Variants in ODR4 observed in about 807,000 individuals in gnomAD.
ODR4 encodes the protein protein odr-4 homolog.
A neutral mutation model predicts 60.2 loss-of-function variants in ODR4; 47 were observed. The ratio of observed to expected loss-of-function variants is 0.78; its 90% CI spans 0.62 to 1.00. The LOEUF (loss-of-function observed/expected upper bound fraction) is 1.00, where lower values mean the gene tolerates loss of function less well. Ranked by LOEUF, ODR4 falls within the 50% of genes least tolerant of loss-of-function variation. The pLI is 0.00. For missense variants in ODR4, 488 were observed against 530.8 expected, an observed-to-expected ratio of 0.92 and a Z score of 0.79; for synonymous variants, 178 against 175.5, an observed-to-expected ratio of 1.01 and a Z score of -0.11.
chr1:186,424,833 C>G (rs1030319640), downstream of ODR4, among the ~76,000 whole-genome samples: 1 of 151,942 alleles, frequency 6.6e-6, no homozygotes, highest in African/African-American at 2.4e-5. Context: ...ATCCAAGAAG[C>G]AGCATCCCAA....
At chr1:186,400,204 A>G (rs1419824185) in intron 11 of ODR4, among the ~76,000 whole-genome samples, 3 of 148,900 alleles carry the variant, frequency 2.0e-5, no homozygotes, top group Non-Finnish European at 3.0e-5. Flanking sequence ...GTTAGCCAGG[A>G]TGGTCTCGAT....
Position 186,400,919 on chromosome 1 carries a change from C to G in ODR4, c.1000+1875C>G, listed in dbSNP as rs1032970664. ...GTCCATCAGTCTAGCAGCCCCATCT[C>G]AGTGTGGCTTTGTTTTTGCAATTTG... On this transcript the variant is annotated intron_variant, in intron 11 of 13. Transcript: ENST00000287859. 4 of 810,816 alleles carry G rather than the reference C, an allele frequency of 4.9e-6. No homozygotes were observed. In the Admixed American group the frequency reaches 6.8e-5, roughly 14 times the overall value. The allele number at this position is 810,816 out of a possible 1,614,324, so 50.2% of individuals were successfully genotyped here.
chr1:186,396,445 A>C (rs1480908656), intron 9 of ODR4, among the ~76,000 whole-genome samples: 1 of 151,918 alleles, frequency 6.6e-6, no homozygotes, highest in Non-Finnish European at 1.5e-5. Context: ...CTGTCTCTAC[A>C]AAAAAATACA....
downstream of ODR4, among the ~76,000 whole-genome samples, chr1:186,425,839 A>G (rs748469376): frequency 5.9e-5 from 9 of 152,194 alleles, no homozygotes; most frequent in Non-Finnish European, 1.3e-4. Context: ...TTCTTCCTTG[A>G]GAACCTCTTG....
the ODR4 span, among the ~76,000 whole-genome samples, chr1:186,428,242 G>A: frequency 1.3e-5 from 2 of 152,128 alleles, no homozygotes; most frequent in African/African-American, 4.8e-5. Context: ...ACCTTCATTG[G>A]TTATCTTACA....
chr1:186,378,000 G>A (rs926645376), intron 1 of ODR4, among the ~76,000 whole-genome samples: 17 of 151,618 alleles, frequency 1.1e-4, no homozygotes, highest in Non-Finnish European at 1.6e-4. Flanking sequence ...AGCCGAGATC[G>A]CGCCACTGCA....
chr1:186,401,223 C>T (rs948141533), intron 11 of ODR4: 3 of 1,495,122 alleles, frequency 2.0e-6, no homozygotes, highest in Non-Finnish European at 2.8e-6. Context: ...TGGCCCCTAA[C>T]AGCAGTTGTA....
chr1:186,429,272 G>C, the ODR4 span, among the ~76,000 whole-genome samples: 1 of 142,622 alleles, frequency 7.0e-6, no homozygotes, highest in Non-Finnish European at 1.5e-5. Context: ...TCTGTCTCAA[G>C]AAAAAAAAAA....
At chr1:186,403,074 A>G (rs576585315) in intron 11 of ODR4, among the ~76,000 whole-genome samples, 2 of 152,286 alleles carry the variant, frequency 1.3e-5, no homozygotes, top group East Asian at 3.9e-4. Flanking sequence ...CTTAACTTCA[A>G]TTTTTGGGAA....
downstream of ODR4, among the ~76,000 whole-genome samples, chr1:186,424,226 C>T (rs923438631): frequency 1.3e-5 from 2 of 152,146 alleles, no homozygotes; most frequent in African/African-American, 4.8e-5. Flanking sequence ...GACCTACATA[C>T]AACAACCCAG....
chr1:186,384,307 A>G (rs1660161701), intron 3 of ODR4, among the ~76,000 whole-genome samples: 1 of 151,722 alleles, frequency 6.6e-6, no homozygotes, highest in South Asian at 2.1e-4. Context: ...TTTTTTAACA[A>G]CCAGCTCTCG....
chr1:186,415,421 A>G (rs982808268), intron 12 of ODR4, among the ~76,000 whole-genome samples: 6 of 152,200 alleles, frequency 3.9e-5, no homozygotes, highest in African/African-American at 1.2e-4. Context: ...TTAAATTTAA[A>G]CAGTAATATT....
At position 186,375,985 on chromosome 1, in the gene ODR4, C is replaced by G. The variant is rs916068593; in HGVS notation, c.-20+11C>G. On this transcript the variant is annotated intron_variant, in intron 1 of 13. Transcript: ENST00000287859. ...ACATTCTGAAAACAGGTAAGTCAGC[C>G]TAAGTGTAGTGTGTGTGTGTGTGTG... The G allele has an allele frequency of 1.8e-5, 3 of 163,470 alleles. No homozygotes were observed. The highest frequency in any genetic ancestry group is 9.1e-5 in the African/African-American group (3 of 32,952). 10.1% of individuals were successfully genotyped at this position (163,470 alleles called of 1,614,324 possible). A position where few individuals can be genotyped will look rare whatever the true frequency, so the allele number is the denominator to read the frequency against.
intron 7 of ODR4, among the ~76,000 whole-genome samples, chr1:186,391,379 CT>C (rs1398368285): frequency 7.2e-6 from 1 of 139,594 alleles, no homozygotes. Flanking sequence ...TTATTTGATG[CT>C]TTTTTCTCAC....
chr1:186,402,168 A>T (rs17491733), intron 11 of ODR4, among the ~76,000 whole-genome samples: 20,335 of 114,688 alleles, frequency 0.18, 1,503 homozygotes, highest in Non-Finnish European at 0.21. Context: ...CCTCAGACAA[A>T]TAACTTTATA....
At chr1:186,398,257 T>C in intron 9 of ODR4, 56 bp from the exon 10 acceptor site, 1 of 1,443,228 alleles carries the variant, frequency 6.9e-7, no homozygotes, top group East Asian at 2.5e-5. Flanking sequence ...TGTTTAAATA[T>C]TTCCTGTAGT....
At chr1:186,432,805 A>C in the ODR4 span, among the ~76,000 whole-genome samples, 1 of 148,330 alleles carries the variant, frequency 6.7e-6, no homozygotes, top group Non-Finnish European at 1.5e-5. Context: ...TTTTTTCTTG[A>C]GACGGAGTCT....
chr1:186,392,109 G>A (rs780040315), intron 8 of ODR4, among the ~76,000 whole-genome samples: 9 of 152,204 alleles, frequency 5.9e-5, no homozygotes, highest in Non-Finnish European at 4.4e-5. Context: ...AGTCAGAATC[G>A]CTGTTATTAA....
intron 4 of ODR4, among the ~76,000 whole-genome samples, chr1:186,387,461 A>G (rs1660295664): frequency 6.6e-6 from 1 of 152,168 alleles, no homozygotes; most frequent in Non-Finnish European, 1.5e-5. Context: ...AGCCAGGCCC[A>G]CTTTCCTTGC....
Sources: gnomAD v4.1 joint callset for allele counts (sites outside exome capture counted in the v4.1 genomes callset) on GRCh38, gnomAD v4.1.1 for gene constraint, MANE v1.5 for transcripts, NCBI Gene and HGNC (gene_info 2026-07-23, HGNC 2026-07-21) for gene names.